The following TRPC5 variants were observed in gnomAD, a reference collection of about 807,000 sequenced individuals.
TRPC5 encodes the protein transient receptor potential cation channel subfamily C member 5.
A neutral mutation model predicts 56.5 loss-of-function variants in TRPC5; 9 were observed. The observed-to-expected ratio is 0.16, with a 90% CI of 0.10 to 0.28. TRPC5 has a LOEUF of 0.28. Among genes scored for constraint, TRPC5 ranks in the 10% least tolerant of loss-of-function variants. The pLI is 1.00. For synonymous variants in TRPC5, 282 were observed against 278.5 expected (o/e 1.01, Z -0.13); for missense variants, 469 against 748.9 (o/e 0.63, Z 4.36).
At chrX:111,954,130 T>C (rs1209321875) in intron 1 of TRPC5, among the ~76,000 whole-genome samples, 2 of 112,491 alleles carry the variant, frequency 1.8e-5, no homozygotes, top group African/African-American at 6.5e-5. Flanking sequence ...CATTTGCCAA[T>C]ACACAGCACA....
chrX:111,926,226 CCTCACTAGGACAATGGTTCT>C (rs1926254244), intron 2 of TRPC5, among the ~76,000 whole-genome samples: 1 of 110,924 alleles, frequency 9.0e-6, no homozygotes, highest in Non-Finnish European at 1.9e-5. Context: ...CAGTACAGTG[CCTCACTAGGACAATGGTTCT>C]CAATGTCTGG....
At chrX:112,036,454 A>T (rs1189680058) in intron 1 of TRPC5, among the ~76,000 whole-genome samples, 1 of 111,138 alleles carries the variant, frequency 9.0e-6, no homozygotes, top group Non-Finnish European at 1.9e-5. Flanking sequence ...GGTCTGTTCC[A>T]CTCCCTCTGG....
At chrX:111,815,139 T>C (rs1022492701) in intron 7 of TRPC5, among the ~76,000 whole-genome samples, 6 of 111,831 alleles carry the variant, frequency 5.4e-5, no homozygotes, top group Non-Finnish European at 9.4e-5. Flanking sequence ...AGAAAGAGGC[T>C]ACCATATGAA....
At chrX:111,960,129 A>G (rs1927336869) in intron 1 of TRPC5, among the ~76,000 whole-genome samples, 1 of 112,337 alleles carries the variant, frequency 8.9e-6, no homozygotes, top group Non-Finnish European at 1.9e-5. Flanking sequence ...GAAAGTATAG[A>G]CATAAAACAT....
intron 3 of TRPC5, among the ~76,000 whole-genome samples, chrX:111,868,939 T>A (rs892991723): frequency 9.0e-6 from 1 of 111,499 alleles, no homozygotes; most frequent in Non-Finnish European, 1.9e-5. Context: ...AGGATGTGTT[T>A]AAAAACCCGC....
chrX:112,036,015 C>G (rs1188906288), intron 1 of TRPC5, among the ~76,000 whole-genome samples: 1 of 110,534 alleles, frequency 9.0e-6, no homozygotes, highest in Non-Finnish European at 1.9e-5. Flanking sequence ...TCCTTCAACA[C>G]TTAGCCAGCT....
chrX:111,806,881 T>G (rs1164360069), intron 7 of TRPC5, among the ~76,000 whole-genome samples: 1 of 111,392 alleles, frequency 9.0e-6, no homozygotes, highest in Non-Finnish European at 1.9e-5. Flanking sequence ...GCATTTTAAA[T>G]AATTCATGCT....
At position 111,769,609 on chromosome X, in the gene TRPC5, T is replaced by A. The variant is rs1452462705; in HGVS notation, c.*6704A>T. 9.0e-6 allele frequency among the ~76,000 whole-genome samples: 1 copy of A among 111,579 alleles called. No individual in the cohort carries two copies. Among genetic ancestry groups the A allele is most frequent in the Non-Finnish European group, 1.9e-5 (1 of 53,052 alleles). On this transcript the variant is annotated 3_prime_UTR_variant, in exon 11 of 11. Coordinates refer to ENST00000262839, the MANE Select transcript of TRPC5 (RefSeq NM_012471.3). ...TACACTTTAAATGAATGCAGGTAAT[T>A]GTACATAAATCATTCCTCAATAAAG...
intron 1 of TRPC5, among the ~76,000 whole-genome samples, chrX:111,990,560 A>G (rs1248237131): frequency 2.7e-5 from 3 of 111,828 alleles, no homozygotes; most frequent in Non-Finnish European, 5.6e-5. Flanking sequence ...TGGCCCCAAG[A>G]CAGGGAGATA....
chrX:111,905,643 G>A (rs1406965812), intron 3 of TRPC5, among the ~76,000 whole-genome samples: 2 of 111,684 alleles, frequency 1.8e-5, no homozygotes, highest in African/African-American at 3.3e-5. Flanking sequence ...GGCCGGACGC[G>A]GTGGCTCACG....
chrX:111,951,199 C>T (rs1008319495), intron 2 of TRPC5, among the ~76,000 whole-genome samples: 1 of 111,424 alleles, frequency 9.0e-6, no homozygotes, highest in African/African-American at 3.3e-5. Context: ...GGGGCCCCAC[C>T]CCAGAGTTTC....
At chrX:112,004,397 T>C (rs755673046) in intron 1 of TRPC5, among the ~76,000 whole-genome samples, 1 of 111,610 alleles carries the variant, frequency 9.0e-6, no homozygotes, top group African/African-American at 3.3e-5. Context: ...TGAAGTGAGA[T>C]AGAAGAATGC....
intron 1 of TRPC5, among the ~76,000 whole-genome samples, chrX:112,001,747 C>A (rs753462060): frequency 3.3e-4 from 37 of 111,548 alleles, no homozygotes; most frequent in Non-Finnish European, 6.6e-4. Context: ...GGCAACAGAC[C>A]AAGACTCTGA....
chrX:111,855,936 A>G (rs1038953167), intron 3 of TRPC5, among the ~76,000 whole-genome samples: 4 of 112,320 alleles, frequency 3.6e-5, no homozygotes, highest in African/African-American at 1.3e-4. Context: ...TAATGGGAAC[A>G]CAAGGGAGGG....
chrX:111,935,988 T>C (rs1362257512), intron 2 of TRPC5, among the ~76,000 whole-genome samples: 1 of 112,030 alleles, frequency 8.9e-6, no homozygotes, highest in Non-Finnish European at 1.9e-5. Context: ...AGGATTTTTT[T>C]CCTATTTCTC....
At chrX:112,011,453 G>A (rs1468406032) in intron 1 of TRPC5, among the ~76,000 whole-genome samples, 2 of 111,950 alleles carry the variant, frequency 1.8e-5, no homozygotes, top group Non-Finnish European at 3.8e-5. Context: ...TATCAGCTGA[G>A]ACTGGCCCTA....
At chrX:111,962,413 G>A (rs1000643558) in intron 1 of TRPC5, among the ~76,000 whole-genome samples, 1 of 112,108 alleles carries the variant, frequency 8.9e-6, no homozygotes, top group Non-Finnish European at 1.9e-5. Flanking sequence ...CTTCCATCTT[G>A]TGGGAAAGAA....
chrX:111,825,146 C>CCTTCCTTCCTTT (rs1922158948), intron 7 of TRPC5, among the ~76,000 whole-genome samples: 16 of 59,385 alleles, frequency 2.7e-4, no homozygotes, highest in African/African-American at 7.4e-4. Context: ...TTCCTTCCTT[C>CCTTCCTTCCTTT]CTTTCTTTCT....
chrX:111,840,083 T>C (rs1388840845), intron 6 of TRPC5, among the ~76,000 whole-genome samples: 1 of 112,332 alleles, frequency 8.9e-6, no homozygotes, highest in Non-Finnish European at 1.9e-5. Flanking sequence ...GGCAGGAGAA[T>C]GGTGTGAACC....
Sources: gnomAD v4.1 joint callset for allele counts (sites outside exome capture counted in the v4.1 genomes callset) on GRCh38, gnomAD v4.1.1 for gene constraint, MANE v1.5 for transcripts, NCBI Gene and HGNC (gene_info 2026-07-23, HGNC 2026-07-21) for gene names.